RALY: variants seen among roughly 807,000 people sequenced by gnomAD.
RALY encodes RNA-binding protein Raly.
In RALY, 15 loss-of-function variants were observed where a neutral mutation model predicts 30.7. That is an observed-to-expected ratio of 0.49 (90% CI 0.33 to 0.75). The LOEUF is 0.75. Among genes scored for constraint, RALY ranks in the 30% least tolerant of loss-of-function variants. The pLI is 0.02. For missense variants in RALY, 339 were observed against 414.3 expected (o/e 0.82, Z 1.58); for synonymous variants, 177 against 170.8 (o/e 1.04, Z -0.28).
intron 5 of RALY, 98 bp from the exon 6 acceptor site, chr20:34,075,776 C>T (rs1220933071): frequency 4.4e-6 from 6 of 1,366,172 alleles, no homozygotes; most frequent in Non-Finnish European, 5.0e-6. Context: ...GCAGGCCTCC[C>T]AGCCCCTCAC....
chr20:34,001,295 T>C (rs2030904601), intron 1 of RALY, among the ~76,000 whole-genome samples: 1 of 152,198 alleles, frequency 6.6e-6, no homozygotes, highest in African/African-American at 2.4e-5. Context: ...TTTCACACAA[T>C]GGTAATAATG....
At chr20:34,075,028 C>T (rs2033834778) in intron 5 of RALY, among the ~76,000 whole-genome samples, 1 of 152,180 alleles carries the variant, frequency 6.6e-6, no homozygotes, top group African/African-American at 2.4e-5. Flanking sequence ...GAGACCACTT[C>T]TCAGCCTACT....
chr20:34,039,436 C>T (rs960776759), intron 2 of RALY, among the ~76,000 whole-genome samples: 1 of 152,198 alleles, frequency 6.6e-6, no homozygotes, highest in Non-Finnish European at 1.5e-5. Flanking sequence ...CCTCCATATC[C>T]CCATCTGTAA....
intron 3 of RALY, among the ~76,000 whole-genome samples, chr20:34,072,542 C>T (rs780618632): frequency 2.8e-4 from 42 of 152,372 alleles, no homozygotes; most frequent in Non-Finnish European, 5.9e-4. Context: ...TGACCTGTCT[C>T]TGCTTTCTCA....
At chr20:34,022,075 T>C in intron 1 of RALY, among the ~76,000 whole-genome samples, 1 of 147,812 alleles carries the variant, frequency 6.8e-6, no homozygotes. Flanking sequence ...TCTTTCCTTT[T>C]TTCTTTCTTT....
intron 2 of RALY, among the ~76,000 whole-genome samples, chr20:34,062,484 A>C (rs1199551126): frequency 1.3e-5 from 2 of 152,344 alleles, no homozygotes; most frequent in East Asian, 3.9e-4. Context: ...AACACAAATT[A>C]AGGGGTAGAA....
chr20:34,011,687 T>C (rs1040410171), intron 1 of RALY, among the ~76,000 whole-genome samples: 3 of 152,220 alleles, frequency 2.0e-5, no homozygotes, highest in Non-Finnish European at 4.4e-5. Context: ...CAGGCTACCA[T>C]ATCCCTTCTC....
chr20:34,047,006 A>G (rs2032905391), intron 2 of RALY, among the ~76,000 whole-genome samples: 1 of 151,686 alleles, frequency 6.6e-6, no homozygotes, highest in Non-Finnish European at 1.5e-5. Flanking sequence ...TTTAGTAGAG[A>G]TGGGGTTTCT....
intron 5 of RALY, among the ~76,000 whole-genome samples, chr20:34,074,659 T>C (rs2033824980): frequency 6.6e-6 from 1 of 151,032 alleles, no homozygotes; most frequent in Non-Finnish European, 1.5e-5. Context: ...TGCCACTGAA[T>C]GGATTATGTG....
chr20:34,043,174 T>G (rs539821930), intron 2 of RALY, among the ~76,000 whole-genome samples: 1 of 152,370 alleles, frequency 6.6e-6, no homozygotes, highest in African/African-American at 2.4e-5. Context: ...CCTTTGCTAA[T>G]CCTAGACTTG....
At chr20:33,994,859 A>G (rs553434228) in intron 1 of RALY, among the ~76,000 whole-genome samples, 11 of 152,342 alleles carry the variant, frequency 7.2e-5, no homozygotes, top group South Asian at 2.1e-4. Context: ...GACTTCACCC[A>G]GGAACTTCCC....
At chr20:34,022,549 C>A (rs2123059586) in intron 1 of RALY, among the ~76,000 whole-genome samples, 1 of 152,266 alleles carries the variant, frequency 6.6e-6, no homozygotes, top group South Asian at 2.1e-4. Flanking sequence ...CTGGCTTTAT[C>A]CCTCAGTCAC....
At chr20:34,078,202 G>A (rs1194947987) in intron 8 of RALY, among the ~76,000 whole-genome samples, 1 of 152,256 alleles carries the variant, frequency 6.6e-6, no homozygotes, top group Non-Finnish European at 1.5e-5. Context: ...GAGATGGGGA[G>A]CTCACCAGTC....
chr20:34,073,938 G>T, intron 5 of RALY, 72 bp downstream of exon 5: 1 of 1,531,470 alleles, frequency 6.5e-7, no homozygotes, highest in South Asian at 1.1e-5. Flanking sequence ...TGTTGGTGCA[G>T]CCCACTGAGT....
intron 2 of RALY, among the ~76,000 whole-genome samples, chr20:34,060,542 A>AT (rs1328853449): frequency 1.3e-5 from 2 of 152,190 alleles, no homozygotes; most frequent in African/African-American, 4.8e-5. Context: ...TTATCCTCTA[A>AT]CAACCCTAGA....
chr20:34,028,016 G>A (rs991475839), intron 1 of RALY, among the ~76,000 whole-genome samples: 1 of 152,194 alleles, frequency 6.6e-6, no homozygotes, highest in South Asian at 2.1e-4. Context: ...AACTGGCTGG[G>A]CGTGGTGGCT....
chr20:34,073,503 T>C, intron 3 of RALY, 60 bp from the exon 4 acceptor site: 2 of 1,457,874 alleles, frequency 1.4e-6, no homozygotes, highest in Non-Finnish European at 1.9e-6. Context: ...TGCATGAGGT[T>C]GATGTGTGTG....
At chr20:34,013,541 ATCT>A (rs1321780812) in intron 1 of RALY, among the ~76,000 whole-genome samples, 2 of 151,972 alleles carry the variant, frequency 1.3e-5, no homozygotes, top group Admixed American at 6.6e-5. Context: ...AAATCCCCTT[ATCT>A]TCTTATCCCC....
intron 3 of RALY, among the ~76,000 whole-genome samples, chr20:34,072,984 G>A (rs2033773794): frequency 6.6e-6 from 1 of 151,978 alleles, no homozygotes; most frequent in African/African-American, 2.4e-5. Flanking sequence ...ATTTGAATGT[G>A]TCAGCAGATA....
Sources: allele counts gnomAD v4.1 joint callset (sites outside exome capture counted in the v4.1 genomes callset), GRCh38; gene constraint gnomAD v4.1.1; transcripts MANE v1.5; gene names NCBI Gene and HGNC (gene_info 2026-07-23, HGNC 2026-07-21).